The following GRM8 variants were observed in gnomAD, a reference collection of about 807,000 sequenced individuals.
GRM8 encodes the protein metabotropic glutamate receptor 8.
In GRM8, 47 loss-of-function variants were observed where a neutral mutation model predicts 87.2. That is an observed-to-expected ratio of 0.54 (90% confidence interval 0.43 to 0.69). GRM8 has a LOEUF of 0.69. Among genes scored for constraint, GRM8 ranks in the 30% least tolerant of loss-of-function variants. The probability of loss-of-function intolerance (pLI) is 0.00; values close to 1 mark genes in which losing one functional copy is unlikely to be tolerated. For synonymous variants in GRM8, 396 were observed against 404.5 expected (o/e 0.98, Z 0.25); for missense variants, 1,019 against 1,139.2 (o/e 0.89, Z 1.52).
chr7:127,015,176 G>A (rs1247000008), intron 3 of GRM8, among the ~76,000 whole-genome samples: 10 of 86,974 alleles, frequency 1.1e-4, no homozygotes, highest in East Asian at 4.4e-4. Context: ...GAAGGAGAAG[G>A]AGAAGAAGAA....
intron 3 of GRM8, among the ~76,000 whole-genome samples, chr7:127,049,483 G>A (rs1329097974): frequency 6.6e-6 from 1 of 152,138 alleles, no homozygotes; most frequent in Non-Finnish European, 1.5e-5. Context: ...CAATCCATAT[G>A]TGGAAATGCA....
chr7:126,670,542 C>T (rs1806264291), intron 7 of GRM8, among the ~76,000 whole-genome samples: 1 of 152,152 alleles, frequency 6.6e-6, no homozygotes, highest in Admixed American at 6.5e-5. Context: ...TTTTGTTATT[C>T]ACAGACGATT....
intron 6 of GRM8, among the ~76,000 whole-genome samples, chr7:126,858,872 C>A (rs964636095): frequency 2.0e-5 from 3 of 152,176 alleles, no homozygotes; most frequent in Admixed American, 6.5e-5. Context: ...TTTTGACACT[C>A]CTTTCTGTTC....
chr7:126,745,865 C>T (rs1815609382), intron 7 of GRM8, among the ~76,000 whole-genome samples: 1 of 151,848 alleles, frequency 6.6e-6, no homozygotes, highest in Admixed American at 6.6e-5. Context: ...TTTAGAATTA[C>T]GTGTACCTGT....
At chr7:126,846,468 T>A (rs574889371) in intron 6 of GRM8, among the ~76,000 whole-genome samples, 1 of 152,350 alleles carries the variant, frequency 6.6e-6, no homozygotes, top group Non-Finnish European at 1.5e-5. Context: ...AGGGAAACTT[T>A]GGTTACTGAA....
intron 9 of GRM8, among the ~76,000 whole-genome samples, chr7:126,518,219 T>C (rs916639382): frequency 6.6e-6 from 1 of 152,070 alleles, no homozygotes; most frequent in Non-Finnish European, 1.5e-5. Context: ...AAAAATGAGT[T>C]TCTAATAAGA....
At chr7:127,098,837 T>C (rs1390964203) in intron 3 of GRM8, among the ~76,000 whole-genome samples, 1 of 152,134 alleles carries the variant, frequency 6.6e-6, no homozygotes, top group Non-Finnish European at 1.5e-5. Flanking sequence ...CCCTGTAATG[T>C]ATGCAATGAT....
chr7:126,997,079 A>T (rs760922413), intron 3 of GRM8, among the ~76,000 whole-genome samples: 2 of 151,996 alleles, frequency 1.3e-5, no homozygotes, highest in Non-Finnish European at 2.9e-5. Context: ...TTGAAATTGA[A>T]ATAATATAAA....
intron 6 of GRM8, among the ~76,000 whole-genome samples, chr7:126,800,230 T>C (rs1001547114): frequency 6.6e-6 from 1 of 152,098 alleles, no homozygotes; most frequent in Admixed American, 6.5e-5. Context: ...TCTCATCATA[T>C]CCTAATGCAT....
intron 2 of GRM8, among the ~76,000 whole-genome samples, chr7:127,208,692 T>C (rs1241812517): frequency 2.6e-5 from 4 of 152,188 alleles, no homozygotes; most frequent in African/African-American, 9.7e-5. Flanking sequence ...ATCACCTTGC[T>C]TGTTCATCTC....
At chr7:127,217,849 G>T (rs1796662438) in intron 2 of GRM8, among the ~76,000 whole-genome samples, 1 of 152,182 alleles carries the variant, frequency 6.6e-6, no homozygotes, top group African/African-American at 2.4e-5. Context: ...CTGTCACTCA[G>T]TTATAGCTAA....
chr7:127,047,806 A>T (rs1240809878), intron 3 of GRM8, among the ~76,000 whole-genome samples: 1 of 152,232 alleles, frequency 6.6e-6, no homozygotes, highest in Non-Finnish European at 1.5e-5. Flanking sequence ...CACTACACAT[A>T]GCCTGGGTGA....
intron 7 of GRM8, among the ~76,000 whole-genome samples, chr7:126,686,456 C>A (rs1381189301): frequency 6.6e-6 from 1 of 152,136 alleles, no homozygotes. Context: ...TGAGCCAGGG[C>A]AGTGACTCCC....
intron 6 of GRM8, among the ~76,000 whole-genome samples, chr7:126,895,202 G>T (rs1473349577): frequency 6.6e-6 from 1 of 151,974 alleles, no homozygotes; most frequent in African/African-American, 2.4e-5. Flanking sequence ...TATAAAGCTG[G>T]CTACTGATTG....
At chr7:126,770,859 T>TTACATGGGG (rs1158405510) in intron 6 of GRM8, among the ~76,000 whole-genome samples, 1 of 152,026 alleles carries the variant, frequency 6.6e-6, no homozygotes, top group Admixed American at 6.6e-5. Flanking sequence ...GAGATTATAA[T>TTACATGGGG]TACATGGGGT....
At chr7:126,932,557 A>G (rs1217535499) in intron 3 of GRM8, among the ~76,000 whole-genome samples, 4 of 152,182 alleles carry the variant, frequency 2.6e-5, no homozygotes, top group African/African-American at 4.8e-5. Context: ...TAAAGAGTAC[A>G]CTATCTTGCT....
At chr7:127,207,360 A>G (rs1232037481) in intron 2 of GRM8, among the ~76,000 whole-genome samples, 2 of 152,292 alleles carry the variant, frequency 1.3e-5, no homozygotes, top group South Asian at 4.2e-4. Context: ...GAAGTAATTA[A>G]GTGAAGATGA....
intron 7 of GRM8, among the ~76,000 whole-genome samples, chr7:126,624,877 A>G (rs1396133973): frequency 2.0e-5 from 3 of 152,216 alleles, no homozygotes; most frequent in Non-Finnish European, 4.4e-5. Context: ...CATGTTAAAA[A>G]CGACAGAACT....
chr7:126,482,048 T>C (rs751152176), intron 9 of GRM8, among the ~76,000 whole-genome samples: 2 of 152,006 alleles, frequency 1.3e-5, no homozygotes, highest in African/African-American at 4.8e-5. Context: ...AATAAGCATA[T>C]AAAATGATGC....
Sources: gnomAD v4.1 joint callset for allele counts (sites outside exome capture counted in the v4.1 genomes callset) on GRCh38, gnomAD v4.1.1 for gene constraint, MANE v1.5 for transcripts, NCBI Gene and HGNC (gene_info 2026-07-23, HGNC 2026-07-21) for gene names.